The following FHOD3 variants were observed in gnomAD, a reference collection of about 807,000 sequenced individuals.
The protein encoded by FHOD3 is formin homology 2 domain containing 3.
FHOD3 carries 90 observed loss-of-function variants against 173.0 expected under a neutral mutation model. That is an observed-to-expected ratio of 0.52 (90% CI 0.44 to 0.62). FHOD3 has a LOEUF of 0.62. Among genes scored for constraint, FHOD3 ranks in the 20% least tolerant of loss-of-function variants. The pLI is 0.00. For missense variants in FHOD3, 1,945 were observed against 2,034.7 expected (o/e 0.96, Z 0.85); for synonymous variants, 828 against 823.0 (o/e 1.01, Z -0.10).
intron 9 of FHOD3, among the ~76,000 whole-genome samples, chr18:36,621,299 C>A (rs1487793001): frequency 6.6e-6 from 1 of 152,142 alleles, no homozygotes; most frequent in Non-Finnish European, 1.5e-5. Context: ...GAAGATTCTT[C>A]CTTGTCATAG....
chr18:36,490,351 A>G (rs900761976), intron 3 of FHOD3, among the ~76,000 whole-genome samples: 3 of 152,160 alleles, frequency 2.0e-5, no homozygotes, highest in African/African-American at 7.2e-5. Context: ...ATTCCCTCCA[A>G]TTCAGAGGGA....
At chr18:36,550,104 C>T (rs2057584027) in intron 5 of FHOD3, among the ~76,000 whole-genome samples, 1 of 151,400 alleles carries the variant, frequency 6.6e-6, no homozygotes, top group East Asian at 1.9e-4. Context: ...CTTTAGTTTC[C>T]TTAGTATCTA....
chr18:36,751,309 T>G (rs1427492379), intron 24 of FHOD3, among the ~76,000 whole-genome samples: 2 of 152,204 alleles, frequency 1.3e-5, no homozygotes, highest in African/African-American at 4.8e-5. Flanking sequence ...GGAAAGCTAG[T>G]GATTTTTGTA....
chr18:36,668,476 T>C (rs2037326227), intron 14 of FHOD3, among the ~76,000 whole-genome samples: 1 of 151,992 alleles, frequency 6.6e-6, no homozygotes. Flanking sequence ...CAGTTTTTGG[T>C]TTCATTTAAT....
chr18:36,649,060 A>G (rs1040896127), intron 10 of FHOD3, among the ~76,000 whole-genome samples: 4 of 152,102 alleles, frequency 2.6e-5, no homozygotes, highest in African/African-American at 9.7e-5. Context: ...TTGACAAAGA[A>G]ATTTGGCCTT....
At chr18:36,358,101 AGGGTCAGAAGTTAAATTACATGTCT>A (rs1462573618) in intron 2 of FHOD3, among the ~76,000 whole-genome samples, 2 of 152,198 alleles carry the variant, frequency 1.3e-5, no homozygotes, top group African/African-American at 4.8e-5. Flanking sequence ...GAGACAACCA[AGGGTCAGAAGTTAAATTACATGTCT>A]GGGGTGGCAA....
chr18:36,517,880 G>T (rs1188986253), intron 5 of FHOD3, among the ~76,000 whole-genome samples: 1 of 152,080 alleles, frequency 6.6e-6, no homozygotes, highest in Non-Finnish European at 1.5e-5. Context: ...GTCCACTATA[G>T]GAAAAAATCC....
At chr18:36,314,693 C>T (rs1020910741) in intron 1 of FHOD3, among the ~76,000 whole-genome samples, 1 of 152,192 alleles carries the variant, frequency 6.6e-6, no homozygotes, top group Non-Finnish European at 1.5e-5. Context: ...CAAGGAGCCC[C>T]CTCATCAGGG....
rs191380202 is a variant in FHOD3 at position 36,598,208 on chromosome 18, C to G, written c.718+3310C>G. Among the ~76,000 whole-genome samples the G allele has an allele frequency of 1.7e-3, 253 of 152,256 alleles. 2 individuals carry two copies. Among genetic ancestry groups the G allele is most frequent in the Non-Finnish European group, 1.9e-3 (126 of 68,032 alleles). ...AAGTGGCTTTAGACTCATTCCTCAGCAGGGATGAGTGGACATATGAGCAGT... is the reference window on the plus strand; with the variant it reads ...AAGTGGCTTTAGACTCATTCCTCAGGAGGGATGAGTGGACATATGAGCAGT... On this transcript the variant is annotated intron_variant, in intron 7 of 28. Coordinates refer to ENST00000590592, the MANE Select transcript of FHOD3 (RefSeq NM_001281740.3).
intron 3 of FHOD3, among the ~76,000 whole-genome samples, chr18:36,399,069 C>A (rs566213009): frequency 1.3e-5 from 2 of 152,050 alleles, no homozygotes; most frequent in Admixed American, 6.6e-5. Flanking sequence ...AGTTTGGGTA[C>A]CTTGTATCTG....
At chr18:36,642,649 A>C (rs373498576) in intron 10 of FHOD3, among the ~76,000 whole-genome samples, 30 of 151,854 alleles carry the variant, frequency 2.0e-4, no homozygotes, top group South Asian at 1.2e-3. Flanking sequence ...GTTAATTATA[A>C]TCCTTTGTTC....
intron 15 of FHOD3, among the ~76,000 whole-genome samples, chr18:36,684,720 C>T (rs1460349464): frequency 2.6e-5 from 4 of 152,086 alleles, no homozygotes; most frequent in South Asian, 2.1e-4. Flanking sequence ...TAGGGACCTG[C>T]GTAATAACAT....
intron 19 of FHOD3, among the ~76,000 whole-genome samples, chr18:36,722,658 G>A (rs1292196331): frequency 1.3e-5 from 2 of 151,984 alleles, no homozygotes; most frequent in East Asian, 3.9e-4. Context: ...AGGCTGGAGT[G>A]CAGTGGCACA....
chr18:36,474,174 G>A lies in FHOD3; in HGVS notation c.338-27758G>A, dbSNP rs534088650. Among the ~76,000 whole-genome samples, 49 of 152,308 alleles carry A rather than the reference G, an allele frequency of 3.2e-4. 1 individual carries two copies. The South Asian group carries it at 1.0e-2, about 31-fold the overall frequency. ...CCTGGAAGGGACTCAGATCCTTAAAGTATCTTGATTTGGGGTTGATGTTAC... is the reference window on the plus strand; with the variant it reads ...CCTGGAAGGGACTCAGATCCTTAAAATATCTTGATTTGGGGTTGATGTTAC... On this transcript the variant is annotated intron_variant, in intron 3 of 28. Transcript: ENST00000590592.
chr18:36,643,248 G>A (rs2035460488), intron 10 of FHOD3, among the ~76,000 whole-genome samples: 1 of 152,038 alleles, frequency 6.6e-6, no homozygotes, highest in African/African-American at 2.4e-5. Context: ...CCTAGGGAAG[G>A]TTTCTCAACC....
At chr18:36,433,217 A>G (rs2050644297) in intron 3 of FHOD3, among the ~76,000 whole-genome samples, 1 of 152,168 alleles carries the variant, frequency 6.6e-6, no homozygotes, top group African/African-American at 2.4e-5. Context: ...CATCACATTC[A>G]CGAGTCTAAC....
At chr18:36,385,599 A>G (rs1230678192) in intron 3 of FHOD3, among the ~76,000 whole-genome samples, 3 of 152,092 alleles carry the variant, frequency 2.0e-5, no homozygotes. Flanking sequence ...GTTTCACCAT[A>G]TTGACCAGGC....
intron 20 of FHOD3, among the ~76,000 whole-genome samples, chr18:36,733,786 C>A (rs115379395): frequency 6.6e-6 from 1 of 152,154 alleles, no homozygotes; most frequent in South Asian, 2.1e-4. Flanking sequence ...ACCAGGTAGG[C>A]GCCTGCCACA....
chr18:36,308,236 T>G (rs952491216), intron 1 of FHOD3, among the ~76,000 whole-genome samples: 3 of 152,244 alleles, frequency 2.0e-5, no homozygotes, highest in African/African-American at 7.2e-5. Context: ...CATATTTGAT[T>G]ACTTCCTTAA....
Sources: allele counts gnomAD v4.1 joint callset (sites outside exome capture counted in the v4.1 genomes callset), GRCh38; gene constraint gnomAD v4.1.1; transcripts MANE v1.5; gene names NCBI Gene and HGNC (gene_info 2026-07-23, HGNC 2026-07-21).